GBP1: variants seen among roughly 807,000 people sequenced by gnomAD.
The protein encoded by GBP1 is guanylate-binding protein 1.
A neutral mutation model predicts 69.5 loss-of-function variants in GBP1; 64 were observed. The ratio of observed to expected loss-of-function variants is 0.92; its 90% CI spans 0.75 to 1.13. The LOEUF (loss-of-function observed/expected upper bound fraction) is 1.13, where lower values mean the gene tolerates loss of function less well. GBP1 is among the 50% of genes most tolerant of loss of function. The pLI, the probability that GBP1 is intolerant of heterozygous loss-of-function variation, is 0.00. For missense variants in GBP1, 630 were observed against 704.1 expected, an observed-to-expected ratio of 0.89 and a Z score of 1.19; for synonymous variants, 250 against 261.2, an observed-to-expected ratio of 0.96 and a Z score of 0.41.
intron 8 of GBP1, 99 bp from the exon 9 acceptor site, chr1:89,055,314 C>A (rs886281390): frequency 1.9e-6 from 3 of 1,564,538 alleles, no homozygotes; most frequent in African/African-American, 2.7e-5. Flanking sequence ...GGAATTCTTT[C>A]TCTTGGCCCT....
At position 89,060,335 on chromosome 1, in the gene GBP1, G is replaced by C. The variant is rs774025055; in HGVS notation, c.191-11C>G. ...AGCCCAGAGAGAAGCCTGCAAGGGA[G>C]AGAGGAGACCAGCGATGGGGATTTA... On this transcript the variant is annotated splice_polypyrimidine_tract_variant and intron_variant, in intron 2 of 10. Coordinates refer to ENST00000370473, the MANE Select transcript of GBP1 (RefSeq NM_002053.3). 2 of 1,557,072 alleles carry C rather than the reference G, an allele frequency of 1.3e-6. No individual in the cohort carries two copies. The highest frequency in any genetic ancestry group is 1.7e-6 in the Non-Finnish European group (2 of 1,153,112).
Position 89,053,211 on chromosome 1 carries a change from T to G in GBP1, c.*144A>C. On this transcript the variant is annotated 3_prime_UTR_variant, in exon 11 of 11. Transcript: ENST00000370473. The stretch of plus-strand genomic sequence containing the variant: ...TTTTTTTTTTAAGAAAAAACATGAT[T>G]TTGATCATTGTACCACATGCCTTTA... 3.8e-6 allele frequency: 2 copies of G among 528,216 alleles called. No individual in the cohort carries two copies. The allele number at this position is 528,216 out of a possible 1,614,324, so 32.7% of individuals were successfully genotyped here.
At chr1:89,056,424 G>A (rs968087921) in intron 7 of GBP1, among the ~76,000 whole-genome samples, 196 bp from the exon 8 acceptor site, 6 of 152,126 alleles carry the variant, frequency 3.9e-5, no homozygotes, top group Admixed American at 1.3e-4. Context: ...GAGGTTCAGG[G>A]CTGAGATTGA....
chr1:89,055,864 G>C (rs1352431113), intron 8 of GBP1, 152 bp downstream of exon 8: 2 of 900,508 alleles, frequency 2.2e-6, no homozygotes, highest in Non-Finnish European at 1.8e-6. Flanking sequence ...GACATATCTG[G>C]TATAACAGCC....
chr1:89,057,053 A>G lies in GBP1; in HGVS notation c.956T>C (p.Leu319Ser). 6.2e-7 allele frequency: 1 copy of G among 1,614,254 alleles called. No homozygotes were observed. Among genetic ancestry groups the G allele is most frequent in the African/African-American group, 1.3e-5 (1 of 75,064 alleles). The part of the protein sequence containing the change: ...LPCMENAVLA[L>S]AQIENSAAVQ... The stretch of plus-strand genomic sequence containing the variant: ...TGCAGCTGAGTTCTCTATCTGGGCC[A>G]AGGCCAGGACTGCGTTCTCCATGCA... The change falls in exon 7 of 11, where the codon TTG (leucine) becomes TCG (serine). Residue 319 changes from leucine to serine, a missense_variant. Leu to Ser is a moderately radical substitution (Grantham distance 145, BLOSUM62 -2). Coordinates refer to ENST00000370473, the MANE Select transcript of GBP1 (RefSeq NM_002053.3).
chr1:89,056,506 T>C (rs912742610), intron 7 of GBP1, among the ~76,000 whole-genome samples: 10 of 152,232 alleles, frequency 6.6e-5, no homozygotes, highest in Admixed American at 6.5e-4. Flanking sequence ...ATGGAATAAA[T>C]GTGGCTGAAC....
chr1:89,060,672 A>G (rs535489241), intron 2 of GBP1, among the ~76,000 whole-genome samples: 2 of 152,336 alleles, frequency 1.3e-5, no homozygotes, highest in Admixed American at 1.3e-4. Flanking sequence ...ACTTTTGTCA[A>G]TTGCATTCCA....
At chr1:89,060,689 A>G (rs1289973884) in intron 2 of GBP1, among the ~76,000 whole-genome samples, 1 of 152,234 alleles carries the variant, frequency 6.6e-6, no homozygotes, top group African/African-American at 2.4e-5. Context: ...TCCACAGAAC[A>G]CTGCAAGTCC....
Position 89,052,601 on chromosome 1 carries a change from T to C in GBP1, c.*754A>G, listed in dbSNP as rs1445648153. 1 of 152,218 alleles carries C rather than the reference T, an allele frequency of 6.6e-6. No homozygotes were observed. 9.4% of individuals were successfully genotyped at this position (152,218 alleles called of 1,614,324 possible). A position where few individuals can be genotyped will look rare whatever the true frequency, so the allele number is the denominator to read the frequency against. Reference sequence around the variant, plus strand: ...GTTACACAGCATCTTTTAAAGTCCATCTTTGCAAATTATACGTTGCTATAA... The same window carrying C: ...GTTACACAGCATCTTTTAAAGTCCACCTTTGCAAATTATACGTTGCTATAA... On this transcript the variant is annotated 3_prime_UTR_variant, in exon 11 of 11. Coordinates refer to ENST00000370473, the MANE Select transcript of GBP1 (RefSeq NM_002053.3).
intron 10 of GBP1, among the ~76,000 whole-genome samples, chr1:89,053,804 C>T (rs779109928): frequency 1.3e-5 from 2 of 152,206 alleles, no homozygotes; most frequent in Non-Finnish European, 2.9e-5. Flanking sequence ...TACTGAGTTT[C>T]TGCACATAGC....
intron 6 of GBP1, among the ~76,000 whole-genome samples, 197 bp downstream of exon 6, chr1:89,057,795 A>C (rs1466685694): frequency 1.3e-5 from 2 of 152,246 alleles, no homozygotes; most frequent in Admixed American, 1.3e-4. Flanking sequence ...AATTTCAAGC[A>C]ATAGAACTTT....
At position 89,065,166 on chromosome 1, in the gene GBP1, T is replaced by C. The variant is rs1242112872; in HGVS notation, c.-26A>G. On this transcript the variant is annotated 5_prime_UTR_variant, in exon 1 of 11. Coordinates refer to ENST00000370473, the MANE Select transcript of GBP1 (RefSeq NM_002053.3). Reference sequence around the variant, plus strand: ...AAGTAGTAAAAGTTCTTACCTGTTCTTTTTCTCCTTAGTTCACGAGCACTG... The same window carrying C: ...AAGTAGTAAAAGTTCTTACCTGTTCCTTTTCTCCTTAGTTCACGAGCACTG... 1 of 152,242 alleles carries C rather than the reference T, an allele frequency of 6.6e-6. No homozygotes were observed. The allele number at this position is 152,242 out of a possible 1,614,324, so 9.4% of individuals were successfully genotyped here.
intron 6 of GBP1, 26 bp downstream of exon 6, chr1:89,057,966 G>A: frequency 8.8e-6 from 14 of 1,595,568 alleles, no homozygotes; most frequent in Non-Finnish European, 1.1e-5. Context: ...TAAACAATGA[G>A]CAGAAGTACT....
rs1680033975 is a variant in GBP1, at chr1:89,056,021, T to C, written c.1363A>G (p.Ile455Val). The stretch of plus-strand genomic sequence containing the variant: ...GACAGATAAATCTTGGTTACCTGTA[T>C]CCCCTTCCTCGGTTCCTCATAGTAC... ...KKYYEEPRKG[I>V]QAEEILQTYL... Residue 455 changes from isoleucine (I) to valine (V), a missense_variant, in exon 8 of 11, where the codon ATA becomes GTA. Ile to Val is a conservative substitution (Grantham distance 29). Around this residue, in one of 5 missense-constraint regions of GBP1, gnomAD observed 367 missense variants for 369.5 expected, o/e 0.99. Transcript: ENST00000370473. 4 of 1,613,846 alleles carry C rather than the reference T, an allele frequency of 2.5e-6. No homozygotes were observed. The highest frequency in any genetic ancestry group is 1.7e-6 in the Non-Finnish European group (2 of 1,179,864).
chr1:89,056,731 G>A, intron 7 of GBP1, 123 bp downstream of exon 7: 1 of 1,134,054 alleles, frequency 8.8e-7, no homozygotes. Context: ...TCACAAATCT[G>A]TTGTTTTCAC....
At position 89,056,961 on chromosome 1, in the gene GBP1, G is replaced by A. The variant is rs1161059578; in HGVS notation, c.1048C>T (p.Leu350Phe). The change falls in exon 7 of 11, where the codon CTC (leucine) becomes TTC (phenylalanine). Residue 350 changes from leucine to phenylalanine, a missense_variant. This residue lies in a region of GBP1 where 367 missense variants were observed against 369.5 expected (regional missense o/e 0.99). Coordinates refer to ENST00000370473, the MANE Select transcript of GBP1 (RefSeq NM_002053.3). ...GQKVQLPTET[L>F]QELLDLHRDS... ...CTGTGCAGGTCCAGCAGCTCCTGGA[G>A]GGTTTCTGTGGGCAGCTGCACCTTC... 6.2e-7 allele frequency: 1 copy of A among 1,614,084 alleles called. No individual in the cohort carries two copies. The highest frequency in any genetic ancestry group is 8.5e-7 in the Non-Finnish European group (1 of 1,180,034).
chr1:89,061,205 T>A (rs1680187734), intron 2 of GBP1, among the ~76,000 whole-genome samples: 1 of 152,130 alleles, frequency 6.6e-6, no homozygotes, highest in Admixed American at 6.5e-5. Flanking sequence ...ATATGAAATT[T>A]CCAGAGATCC....
chr1:89,055,285 T>C lies in GBP1; in HGVS notation c.1369-70A>G, dbSNP rs574598442. The C allele has an allele frequency of 2.1e-5, 34 of 1,598,596 alleles. No homozygotes were observed. In the East Asian group the frequency reaches 7.4e-4, roughly 35 times the overall value. On this transcript the variant is annotated intron_variant, in intron 8 of 10. Coordinates refer to ENST00000370473, the MANE Select transcript of GBP1 (RefSeq NM_002053.3). ...AAGCAGGTGTTCCTGTTTGTCTTCC[T>C]GCCATCCTTTCTCCTCTGGGAATTC...
At chr1:89,064,230 TGTGTGTGTGTGAGA>T (rs1227139647) in intron 1 of GBP1, among the ~76,000 whole-genome samples, 3 of 110,456 alleles carry the variant, frequency 2.7e-5, no homozygotes, top group African/African-American at 9.9e-5. Flanking sequence ...TGTGTGTGTG[TGTGTGTGTGTGAGA>T]GAGAGAGAGA....
Sources: allele counts gnomAD v4.1 joint callset (sites outside exome capture counted in the v4.1 genomes callset), GRCh38; gene constraint gnomAD v4.1.1; regional missense constraint gnomAD v4.1.1; transcripts MANE v1.5; gene names NCBI Gene and HGNC (gene_info 2026-07-23, HGNC 2026-07-21).